The following ADAMTS19 variants were observed in gnomAD, a reference collection of about 807,000 sequenced individuals.
ADAMTS19 encodes ADAM metallopeptidase with thrombospondin type 1 motif 19.
ADAMTS19 carries 93 observed loss-of-function variants against 153.3 expected under a neutral mutation model. That is an observed-to-expected ratio of 0.61 (90% CI 0.51 to 0.72). The LOEUF (loss-of-function observed/expected upper bound fraction) is 0.72, where lower values mean the gene tolerates loss of function less well. Among genes scored for constraint, ADAMTS19 ranks in the 30% least tolerant of loss-of-function variants. The pLI, the probability that ADAMTS19 is intolerant of heterozygous loss-of-function variation, is 0.00. For synonymous variants in ADAMTS19, 600 were observed against 556.6 expected (o/e 1.08, Z -1.10); for missense variants, 1,482 against 1,552.1 (o/e 0.95, Z 0.76).
At chr5:129,733,407 T>C (rs554254344) in intron 21 of ADAMTS19, among the ~76,000 whole-genome samples, 10 of 152,108 alleles carry the variant, frequency 6.6e-5, no homozygotes, top group Non-Finnish European at 1.5e-4. Flanking sequence ...AAACTATGCA[T>C]CTGACAAGGA....
chr5:129,599,770 G>T (rs1258944647), intron 8 of ADAMTS19, among the ~76,000 whole-genome samples: 3 of 152,156 alleles, frequency 2.0e-5, no homozygotes, highest in East Asian at 1.9e-4. Context: ...TAGCTCAAAT[G>T]GTACGAAAAT....
chr5:129,672,646 C>A (rs752346357), intron 16 of ADAMTS19, among the ~76,000 whole-genome samples: 2 of 152,122 alleles, frequency 1.3e-5, no homozygotes, highest in African/African-American at 4.8e-5. Context: ...TCTATATTAA[C>A]CTTAGTACTA....
At chr5:129,724,362 A>G (rs1174382673) in intron 21 of ADAMTS19, among the ~76,000 whole-genome samples, 1 of 152,172 alleles carries the variant, frequency 6.6e-6, no homozygotes, top group African/African-American at 2.4e-5. Flanking sequence ...AATGCTGGTC[A>G]GCTATGCCTG....
intron 4 of ADAMTS19, among the ~76,000 whole-genome samples, chr5:129,526,692 G>A (rs1191197368): frequency 6.6e-6 from 1 of 151,416 alleles, no homozygotes; most frequent in African/African-American, 2.4e-5. Context: ...CTCTTTCTAT[G>A]TTACTCTTTT....
intron 15 of ADAMTS19, among the ~76,000 whole-genome samples, chr5:129,662,834 A>G (rs1753869830): frequency 6.7e-6 from 1 of 149,076 alleles, no homozygotes; most frequent in African/African-American, 2.5e-5. Context: ...TCTCATCCAT[A>G]GGGTCCCACT....
At chr5:129,638,424 G>C (rs1015527505) in intron 10 of ADAMTS19, among the ~76,000 whole-genome samples, 1 of 151,760 alleles carries the variant, frequency 6.6e-6, no homozygotes, top group Non-Finnish European at 1.5e-5. Flanking sequence ...GCCCTCATTT[G>C]TTATTCCTAA....
chr5:129,532,199 T>C (rs917286273), intron 6 of ADAMTS19, among the ~76,000 whole-genome samples: 1 of 151,946 alleles, frequency 6.6e-6, no homozygotes, highest in African/African-American at 2.4e-5. Context: ...CAAAAGATGT[T>C]ACACCTTTTG....
At chr5:129,599,491 A>G (rs1374743550) in intron 8 of ADAMTS19, among the ~76,000 whole-genome samples, 5 of 152,174 alleles carry the variant, frequency 3.3e-5, no homozygotes. Context: ...AGTACCCTGA[A>G]TAGTTTACTT....
intron 2 of ADAMTS19, among the ~76,000 whole-genome samples, chr5:129,492,863 T>G (rs534367877): frequency 1.2e-4 from 19 of 152,292 alleles, no homozygotes; most frequent in African/African-American, 4.6e-4. Flanking sequence ...ATAATAGAGT[T>G]TACCATTTTC....
In ADAMTS19 at chr5:129,461,118, C is replaced by T. The variant is rs1280237769; in HGVS notation, c.108C>T (p.Pro36=). Reference sequence around the variant, plus strand: ...CGCCCGCAGAGCTGCAGTTCGCCCCCGACCGCGAGGAGTGGGAAGTCGTGT... The same window carrying T: ...CGCCCGCAGAGCTGCAGTTCGCCCCTGACCGCGAGGAGTGGGAAGTCGTGT... ...NGIVSELQFA[P]DREEWEVVFP... The change falls in exon 2 of 23, where the codon CCC becomes CCT. Residue 36 remains proline (P), a synonymous_variant. Coordinates refer to ENST00000274487, the MANE Select transcript of ADAMTS19 (RefSeq NM_133638.6). This position sits in a 1 kb window ranked among gnomAD's most constrained non-coding sequence, Gnocchi z 4.6. 2.1e-5 allele frequency: 30 copies of T among 1,418,282 alleles called. No homozygotes were observed. Among genetic ancestry groups the T allele is most frequent in the African/African-American group, 3.0e-5 (2 of 67,094 alleles). The allele number at this position is 1,418,282 out of a possible 1,614,324, so 87.9% of individuals were successfully genotyped here. A position where few individuals can be genotyped will look rare whatever the true frequency, so the allele number is the denominator to read the frequency against.
At chr5:129,658,876 CATACA>C (rs1279397116) in intron 15 of ADAMTS19, 139 bp downstream of exon 15, 1 of 967,510 alleles carries the variant, frequency 1.0e-6, no homozygotes, top group Non-Finnish European at 1.4e-6. Context: ...TTTGTGATGA[CATACA>C]ATACATGTGA....
intron 3 of ADAMTS19, among the ~76,000 whole-genome samples, chr5:129,522,057 T>C (rs568404046): frequency 6.6e-6 from 1 of 151,742 alleles, no homozygotes; most frequent in Non-Finnish European, 1.5e-5. Flanking sequence ...TTAATCTCAT[T>C]CACTTGGCAG....
In ADAMTS19 at chr5:129,573,017, G is replaced by A. The variant is rs557630568; in HGVS notation, c.1372+21110G>A. ...ACTGTGTATTCCACAAAAGGTTTGT[G>A]CACGTTGTGCCCTTTGCAAAGGTAC... On this transcript the variant is annotated intron_variant, in intron 7 of 22. Transcript: ENST00000274487. Among the ~76,000 whole-genome samples, 349 of 152,142 alleles carry A rather than the reference G, an allele frequency of 2.3e-3. 1 individual carries two copies. The highest frequency in any genetic ancestry group is 8.3e-3 in the African/African-American group (344 of 41,542).
intron 15 of ADAMTS19, among the ~76,000 whole-genome samples, chr5:129,661,709 A>G (rs1753821013): frequency 6.6e-6 from 1 of 152,176 alleles, no homozygotes; most frequent in Non-Finnish European, 1.5e-5. Flanking sequence ...ATAAATTTTC[A>G]GAGGAATAAA....
intron 2 of ADAMTS19, among the ~76,000 whole-genome samples, chr5:129,477,877 T>A (rs562867297): frequency 1.1e-4 from 17 of 152,230 alleles, no homozygotes; most frequent in Non-Finnish European, 2.2e-4. Context: ...TTCTCTCATT[T>A]CTTTCCATTA....
At chr5:129,476,697 T>G (rs1255062735) in intron 2 of ADAMTS19, among the ~76,000 whole-genome samples, 1 of 152,176 alleles carries the variant, frequency 6.6e-6, no homozygotes, top group Non-Finnish European at 1.5e-5. Context: ...GAATTATGAT[T>G]GAGTAAATGT....
At chr5:129,516,931 CCT>C (rs1184115243) in intron 3 of ADAMTS19, among the ~76,000 whole-genome samples, 4 of 148,660 alleles carry the variant, frequency 2.7e-5, no homozygotes, top group Non-Finnish European at 6.0e-5. Context: ...TAAACTTCCC[CCT>C]GAGTACTGCT....
intron 2 of ADAMTS19, among the ~76,000 whole-genome samples, chr5:129,498,798 A>ATTTTT (rs10637813): frequency 1.6e-4 from 21 of 134,186 alleles, no homozygotes; most frequent in African/African-American, 5.4e-4. Flanking sequence ...CATTCACTCT[A>ATTTTT]TTTTTTTTTT....
intron 2 of ADAMTS19, among the ~76,000 whole-genome samples, chr5:129,482,330 G>A (rs945599380): frequency 6.6e-6 from 1 of 151,844 alleles, no homozygotes; most frequent in African/African-American, 2.4e-5. Context: ...ATCTGTCAAG[G>A]TATACAGAAG....
Sources: gnomAD v4.1 joint callset for allele counts (sites outside exome capture counted in the v4.1 genomes callset) on GRCh38, gnomAD v4.1.1 for gene constraint, Gnocchi (gnomAD v3.1) non-coding constraint, MANE v1.5 for transcripts, NCBI Gene and HGNC (gene_info 2026-07-23, HGNC 2026-07-21) for gene names.